Variants in ARHGAP39 observed in about 807,000 individuals in gnomAD.
The protein encoded by ARHGAP39 is Rho GTPase activating protein 39, also known as rho GTPase-activating protein 39.
In ARHGAP39, 44 loss-of-function variants were observed where a neutral mutation model predicts 106.9. That is an observed-to-expected ratio of 0.41 (90% confidence interval 0.32 to 0.53). ARHGAP39 has a LOEUF of 0.53. ARHGAP39 is among the 20% of genes least tolerant of loss of function. The pLI is 0.21. For synonymous variants in ARHGAP39, 768 were observed against 693.2 expected, an observed-to-expected ratio of 1.11 and a Z score of -1.69; for missense variants, 1,496 against 1,577.3, an observed-to-expected ratio of 0.95 and a Z score of 0.87.
chr8:144,654,319 A>G (rs1405280411), intron 1 of ARHGAP39, among the ~76,000 whole-genome samples: 1 of 151,766 alleles, frequency 6.6e-6, no homozygotes, highest in Non-Finnish European at 1.5e-5. Flanking sequence ...AGCCTGGGCA[A>G]CATGGCGAAA....
intron 2 of ARHGAP39, among the ~76,000 whole-genome samples, chr8:144,598,994 C>T (rs1487186083): frequency 6.6e-6 from 1 of 152,230 alleles, no homozygotes; most frequent in Non-Finnish European, 1.5e-5. Context: ...CGGAGGGTAA[C>T]TACTTCAGTG....
At chr8:144,545,196 C>T in intron 6 of ARHGAP39, 53 bp downstream of exon 6, 2 of 1,414,654 alleles carry the variant, frequency 1.4e-6, no homozygotes, top group Non-Finnish European at 9.3e-7. Flanking sequence ...ACAGCAGGAG[C>T]CCTCTCCACT....
At chr8:144,563,789 T>TA (rs111877760) in intron 3 of ARHGAP39, among the ~76,000 whole-genome samples, 9,957 of 151,428 alleles carry the variant, frequency 0.066, 669 homozygotes, top group African/African-American at 0.17. Flanking sequence ...ACCTTGTATC[T>TA]AAAAAAAATA....
At position 144,585,576 on chromosome 8, in the gene ARHGAP39, C is replaced by T. The variant is rs1170799990; in HGVS notation, c.81-4299G>A. Among the ~76,000 whole-genome samples, 2 of 152,278 alleles carry T rather than the reference C, an allele frequency of 1.3e-5. No homozygotes were observed. Among genetic ancestry groups the T allele is most frequent in the Admixed American group, 6.5e-5 (1 of 15,302 alleles). ...CCCATGATACAAAGTGTCAATGACT[C>T]CCATCGTTAGAAACACAGGGACACC... On this transcript the variant is annotated intron_variant, in intron 2 of 11. Transcript: ENST00000377307. This position sits in a 1 kb window ranked among gnomAD's most constrained non-coding sequence, Gnocchi z 4.6.
At position 144,530,631 on chromosome 8, in the gene ARHGAP39, A is replaced by C; in HGVS notation, c.3151-15T>G. 1 of 628,790 alleles carries C rather than the reference A, an allele frequency of 1.6e-6. No individual in the cohort carries two copies. The highest frequency in any genetic ancestry group is 2.0e-6 in the Non-Finnish European group (1 of 502,582). The allele number at this position is 628,790 out of a possible 1,614,324, so 39.0% of individuals were successfully genotyped here. On this transcript the variant is annotated splice_polypyrimidine_tract_variant and intron_variant, in intron 11 of 11. Transcript: ENST00000377307. ...TGCACGAAGACCTGGTGGAGGAGCG[A>C]GGGTGGGCGCGGAGGGGCGGGGGCG... is the stretch of plus-strand genomic sequence containing the variant.
chr8:144,538,604 C>T (rs1817059273), intron 6 of ARHGAP39, among the ~76,000 whole-genome samples: 1 of 152,196 alleles, frequency 6.6e-6, no homozygotes, highest in Non-Finnish European at 1.5e-5. Flanking sequence ...GTCACCCAGG[C>T]TGGAGTGAGT....
intron 3 of ARHGAP39, among the ~76,000 whole-genome samples, chr8:144,579,604 A>G (rs1319487614): frequency 5.3e-5 from 8 of 152,080 alleles, no homozygotes; most frequent in Non-Finnish European, 1.0e-4. Flanking sequence ...TCATCCTGCC[A>G]GACCGGGTCC....
intron 1 of ARHGAP39, among the ~76,000 whole-genome samples, chr8:144,682,644 T>C (rs1303021716): frequency 6.6e-6 from 1 of 152,180 alleles, no homozygotes; most frequent in African/African-American, 2.4e-5. Context: ...CTTTCTGTTA[T>C]GTCCTCCCTG....
At chr8:144,581,426 T>G (rs1183983422) in intron 2 of ARHGAP39, 149 bp from the exon 3 acceptor site, 2 of 951,980 alleles carry the variant, frequency 2.1e-6, no homozygotes, top group Non-Finnish European at 3.1e-6. Context: ...CGCCCCTGAC[T>G]GCTGTGCTCC....
intron 10 of ARHGAP39, among the ~76,000 whole-genome samples, chr8:144,531,239 GCA>G (rs1409408949): frequency 1.2e-3 from 22 of 18,812 alleles, no homozygotes; most frequent in East Asian, 8.0e-3. Context: ...CGGCAGAAGG[GCA>G]CAGGGCAGCG....
upstream of ARHGAP39, among the ~76,000 whole-genome samples, chr8:144,686,271 G>C (rs1390732081): frequency 6.6e-6 from 1 of 152,048 alleles, no homozygotes; most frequent in African/African-American, 2.4e-5. Context: ...AGTCCTTCTT[G>C]TGGCGGGCTC....
chr8:144,657,182 C>T (rs925294796), intron 1 of ARHGAP39, among the ~76,000 whole-genome samples: 1 of 149,766 alleles, frequency 6.7e-6, no homozygotes, highest in Non-Finnish European at 1.5e-5. Context: ...TTGTTTGAAC[C>T]CAAAAGTTCA....
intron 1 of ARHGAP39, among the ~76,000 whole-genome samples, chr8:144,628,245 G>A (rs776414456): frequency 2.6e-5 from 4 of 152,108 alleles, no homozygotes; most frequent in Admixed American, 6.5e-5. Context: ...GACATCACCC[G>A]CTGCTCTCCC....
chr8:144,629,649 T>C (rs1343751097), intron 1 of ARHGAP39, among the ~76,000 whole-genome samples: 1 of 152,250 alleles, frequency 6.6e-6, no homozygotes, highest in African/African-American at 2.4e-5. Context: ...GTAGCAGCTT[T>C]GTGTGGTACA....
Position 144,530,644 on chromosome 8 carries a change from AGGGGCGGGGGC to A in ARHGAP39, c.3151-39_3151-29del, listed in dbSNP as rs749666770. The A allele has an allele frequency of 2.6e-5, 5 of 189,588 alleles. No homozygotes were observed. The South Asian group carries it at 3.1e-4, about 12-fold the overall frequency. The allele number at this position is 189,588 out of a possible 1,614,324, so 11.7% of individuals were successfully genotyped here. ...GGTGGAGGAGCGAGGGTGGGCGCGGAGGGGCGGGGGCGGGGCGGGGAGGGGAAAGCAGCGGG... is the reference window on the plus strand; with the variant it reads ...GGTGGAGGAGCGAGGGTGGGCGCGGAGGGGCGGGGAGGGGAAAGCAGCGGG... On this transcript the variant is annotated intron_variant, in intron 11 of 11. Coordinates refer to ENST00000377307, the MANE Select transcript of ARHGAP39 (RefSeq NM_025251.3).
intron 2 of ARHGAP39, among the ~76,000 whole-genome samples, chr8:144,598,250 C>T (rs1172108551): frequency 2.0e-5 from 3 of 152,068 alleles, no homozygotes; most frequent in Non-Finnish European, 4.4e-5. Flanking sequence ...GGAACCCAGC[C>T]GTGGGCCTTT....
rs141117703 is a variant in ARHGAP39 at position 144,580,118 on chromosome 8, C to T, written c.512+728G>A. ...CGGTGCACTCACCTCGAGGCCCTTG[C>T]GCTCTACCCTGACCTCTCCCTGTTT... On this transcript the variant is annotated intron_variant, in intron 3 of 11. Transcript: ENST00000377307. 3.2e-3 allele frequency among the ~76,000 whole-genome samples: 493 copies of T among 152,242 alleles called. 6 individuals carry two copies. Among genetic ancestry groups the T allele is most frequent in the African/African-American group, 0.01 (431 of 41,546 alleles).
intron 1 of ARHGAP39, among the ~76,000 whole-genome samples, chr8:144,669,735 T>C (rs757842833): frequency 5.3e-5 from 8 of 152,170 alleles, no homozygotes; most frequent in Non-Finnish European, 1.0e-4. Context: ...TCTGCAAAGA[T>C]GATGGACAAA....
At position 144,604,986 on chromosome 8, in the gene ARHGAP39, G is replaced by C. The variant is rs1456518851; in HGVS notation, c.80+549C>G. ...AAATAAAAGCCTAGAAATCAGGGCA[G>C]AGCAGTGGCTCACGTCTGTGATCCT... On this transcript the variant is annotated intron_variant, in intron 2 of 11. Transcript: ENST00000377307. The surrounding 1 kb of genome is among the most constrained non-coding windows in gnomAD (Gnocchi z 4.1). Among the ~76,000 whole-genome samples the C allele has an allele frequency of 1.3e-5, 2 of 152,260 alleles. No individual in the cohort carries two copies. The highest frequency in any genetic ancestry group is 4.8e-5 in the African/African-American group (2 of 41,470).
Sources: allele counts gnomAD v4.1 joint callset (sites outside exome capture counted in the v4.1 genomes callset), GRCh38; gene constraint gnomAD v4.1.1; non-coding constraint Gnocchi (gnomAD v3.1); transcripts MANE v1.5; gene names NCBI Gene and HGNC (gene_info 2026-07-23, HGNC 2026-07-21).